Variants in ARHGEF7 observed in about 807,000 individuals in gnomAD.
ARHGEF7 encodes PAK-interacting exchange factor beta.
A neutral mutation model predicts 109.8 loss-of-function variants in ARHGEF7; 33 were observed. The ratio of observed to expected loss-of-function variants is 0.30; its 90% CI spans 0.23 to 0.40. The LOEUF (loss-of-function observed/expected upper bound fraction) is 0.40. Among genes scored for constraint, ARHGEF7 ranks in the 10% least tolerant of loss-of-function variants. The pLI, the probability that ARHGEF7 is intolerant of heterozygous loss-of-function variation, is 1.00. For missense variants in ARHGEF7, 938 were observed against 1,098.5 expected, an observed-to-expected ratio of 0.85 and a Z score of 2.07; for synonymous variants, 458 against 424.6, an observed-to-expected ratio of 1.08 and a Z score of -0.97.
chr13:111,302,946 C>T (rs200687597), intron 21 of ARHGEF7, 45 bp from the exon 22 acceptor site: 493 of 1,608,022 alleles, frequency 3.1e-4, no homozygotes, highest in Middle Eastern at 8.3e-4. Context: ...AAGCCCTACG[C>T]GATGCCAAAG....
chr13:111,289,732 G>A (rs74730742), intron 18 of ARHGEF7, among the ~76,000 whole-genome samples: 3,263 of 151,072 alleles, frequency 0.022, 118 homozygotes, highest in African/African-American at 0.075. Context: ...AAAGACGGCT[G>A]CAGCTGTGAA....
chr13:111,171,997 G>T (rs1018121979), intron 2 of ARHGEF7, among the ~76,000 whole-genome samples: 2 of 152,194 alleles, frequency 1.3e-5, no homozygotes, highest in African/African-American at 4.8e-5. Flanking sequence ...AGAACTGTGA[G>T]AATACATTTC....
intron 2 of ARHGEF7, among the ~76,000 whole-genome samples, chr13:111,180,123 C>T (rs951898512): frequency 6.6e-6 from 1 of 152,186 alleles, no homozygotes; most frequent in Non-Finnish European, 1.5e-5. Flanking sequence ...TTCTTTAGGG[C>T]CTCAGGCTCC....
At chr13:111,151,568 C>A (rs1828222626) in intron 1 of ARHGEF7, among the ~76,000 whole-genome samples, 1 of 152,082 alleles carries the variant, frequency 6.6e-6, no homozygotes, top group Non-Finnish European at 1.5e-5. Flanking sequence ...TCATCACACA[C>A]TATAGATGTT....
intron 5 of ARHGEF7, among the ~76,000 whole-genome samples, chr13:111,230,429 A>T: frequency 6.6e-6 from 1 of 152,202 alleles, no homozygotes; most frequent in Non-Finnish European, 1.5e-5. Context: ...TTTTTGGTAG[A>T]AGCTACTAGA....
At chr13:111,154,629 T>G (rs1022036083) in intron 2 of ARHGEF7, among the ~76,000 whole-genome samples, 1 of 152,234 alleles carries the variant, frequency 6.6e-6, no homozygotes, top group Non-Finnish European at 1.5e-5. Context: ...GGGGTCTCGA[T>G]TCCCTGTTGT....
At chr13:111,164,400 C>T (rs1230156176) in intron 2 of ARHGEF7, among the ~76,000 whole-genome samples, 1 of 152,240 alleles carries the variant, frequency 6.6e-6, no homozygotes, top group Non-Finnish European at 1.5e-5. Context: ...CTTAGGCTGA[C>T]TCCTGGCAAG....
At chr13:111,176,938 A>G (rs1375454976) in intron 2 of ARHGEF7, among the ~76,000 whole-genome samples, 1 of 152,092 alleles carries the variant, frequency 6.6e-6, no homozygotes, top group African/African-American at 2.4e-5. Flanking sequence ...TGTATTTTTA[A>G]TAGAGACGGG....
intron 2 of ARHGEF7, among the ~76,000 whole-genome samples, chr13:111,155,708 A>G (rs561971883): frequency 7.9e-5 from 12 of 152,254 alleles, no homozygotes; most frequent in Non-Finnish European, 1.8e-4. Context: ...TTACGTTAAC[A>G]TACTTTTGAA....
At chr13:111,150,348 G>C (rs1465801656) in intron 1 of ARHGEF7, among the ~76,000 whole-genome samples, 1 of 152,118 alleles carries the variant, frequency 6.6e-6, no homozygotes, top group Non-Finnish European at 1.5e-5. Context: ...GGAGTCTTAG[G>C]GTGACTTTCA....
Position 111,228,177 on chromosome 13 carries a change from G to C in ARHGEF7, c.671-5028G>C, listed in dbSNP as rs1474456030. Among the ~76,000 whole-genome samples, 3 of 152,222 alleles carry C rather than the reference G, an allele frequency of 2.0e-5. No individual in the cohort carries two copies. Among genetic ancestry groups the C allele is most frequent in the African/African-American group, 7.2e-5 (3 of 41,458 alleles). On this transcript the variant is annotated intron_variant, in intron 5 of 21. Transcript: ENST00000646102. This position sits in a 1 kb window ranked among gnomAD's most constrained non-coding sequence, Gnocchi z 4.6. ...GAGGGGGCGCTTTTATAGAATGAAA[G>C]AGACTTTAGTGGCACAGCAGCCAGA...
chr13:111,214,725 C>T (rs1342170942), intron 4 of ARHGEF7, among the ~76,000 whole-genome samples: 1 of 152,164 alleles, frequency 6.6e-6, no homozygotes, highest in South Asian at 2.1e-4. Context: ...GGTAATTGTT[C>T]GCTGGCGCTT....
At chr13:111,205,184 C>G in intron 2 of ARHGEF7, 105 bp from the exon 3 acceptor site, 2 of 833,130 alleles carry the variant, frequency 2.4e-6, no homozygotes, top group Non-Finnish European at 3.8e-6. Flanking sequence ...GTGCGGTCTC[C>G]TTAGGATTTC....
chr13:111,277,460 A>T, intron 12 of ARHGEF7, 127 bp from the exon 13 acceptor site: 1 of 609,976 alleles, frequency 1.6e-6, no homozygotes, highest in Non-Finnish European at 2.9e-6. Context: ...ACTTGATAGA[A>T]ATACCTAAAC....
Position 111,275,515 on chromosome 13 carries a change from T to G in ARHGEF7, c.1273-17T>G, listed in dbSNP as rs748015013. 29 of 1,613,396 alleles carry G rather than the reference T, an allele frequency of 1.8e-5. No individual in the cohort carries two copies. Among genetic ancestry groups the G allele is most frequent in the Non-Finnish European group, 2.3e-5 (27 of 1,179,848 alleles). ...GAAAGTTTATGTCTGTTAACAGTGT[T>G]GTTCTGTGTCTGTCAGGCCCAATGT... On this transcript the variant is annotated splice_polypyrimidine_tract_variant and intron_variant, in intron 11 of 21. Coordinates refer to ENST00000646102, the MANE Select transcript of ARHGEF7 (RefSeq NM_001354046.2).
rs969708060 is a variant in ARHGEF7 at position 111,229,453 on chromosome 13, C to T, written c.671-3752C>T. The stretch of plus-strand genomic sequence containing the variant: ...ATATTTATTTGTAGAAGTTTTGCTG[C>T]GCTTCAGATGTTTTCAGTCTTCATG... On this transcript the variant is annotated intron_variant, in intron 5 of 21. Coordinates refer to ENST00000646102, the MANE Select transcript of ARHGEF7 (RefSeq NM_001354046.2). 5.9e-5 allele frequency among the ~76,000 whole-genome samples: 9 copies of T among 152,082 alleles called. 1 individual carries two copies. Among genetic ancestry groups the T allele is most frequent in the Admixed American group, 2.6e-4 (4 of 15,276 alleles).
At chr13:111,231,845 G>A (rs1363220968) in intron 5 of ARHGEF7, among the ~76,000 whole-genome samples, 1 of 152,114 alleles carries the variant, frequency 6.6e-6, no homozygotes, top group African/African-American at 2.4e-5. Flanking sequence ...TGCAGTGGAG[G>A]TGAGCTTTGA....
chr13:111,276,591 C>T (rs1185468603), intron 12 of ARHGEF7, among the ~76,000 whole-genome samples: 1 of 152,150 alleles, frequency 6.6e-6, no homozygotes, highest in African/African-American at 2.4e-5. Flanking sequence ...CTCCAAAATG[C>T]TTCAGAGTGG....
In ARHGEF7 at chr13:111,168,345, C is replaced by T. The variant is rs2077302413; in HGVS notation, c.252+14354C>T. 2.0e-5 allele frequency among the ~76,000 whole-genome samples: 3 copies of T among 151,052 alleles called. No individual in the cohort carries two copies. The South Asian group carries it at 6.2e-4, about 31-fold the overall frequency. On this transcript the variant is annotated intron_variant, in intron 2 of 21. Coordinates refer to ENST00000646102, the MANE Select transcript of ARHGEF7 (RefSeq NM_001354046.2). ...GGGTGTGGGTCCCCTCCAGGCCTGC[C>T]CAGCCACCTAGCAGCTGTTGCCATT...
Sources: allele counts gnomAD v4.1 joint callset (sites outside exome capture counted in the v4.1 genomes callset), GRCh38; gene constraint gnomAD v4.1.1; non-coding constraint Gnocchi (gnomAD v3.1); transcripts MANE v1.5; gene names NCBI Gene and HGNC (gene_info 2026-07-23, HGNC 2026-07-21).